UNKL: variants seen among roughly 807,000 people sequenced by gnomAD.
The protein encoded by UNKL is putative E3 ubiquitin-protein ligase UNKL.
UNKL carries 60 observed loss-of-function variants against 78.0 expected under a neutral mutation model. The ratio of observed to expected loss-of-function variants is 0.77; its 90% CI spans 0.63 to 0.95. The LOEUF is 0.95. Among genes scored for constraint, UNKL ranks in the 40% least tolerant of loss-of-function variants. UNKL has a pLI of 0.00. For missense variants in UNKL, 1,159 were observed against 1,045.7 expected (o/e 1.11, Z -1.49); for synonymous variants, 608 against 474.8 (o/e 1.28, Z -3.65).
Position 1,364,315 on chromosome 16 carries a change from C to CCTA in UNKL, c.*1922_*1924dup, listed in dbSNP as rs2035059566. On this transcript the variant is annotated 3_prime_UTR_variant, in exon 15 of 15. Coordinates refer to ENST00000389221, the MANE Select transcript of UNKL (RefSeq NM_001372107.1). The stretch of plus-strand genomic sequence containing the variant: ...TTACGTTAAAACAGTTCTTAAACCA[C>CCTA]CTACTATATTAAATACATTCTAATT... The CCTA allele has an allele frequency of 6.6e-6, 1 of 152,206 alleles. No individual in the cohort carries two copies. Among genetic ancestry groups the CCTA allele is most frequent in the Non-Finnish European group, 1.5e-5 (1 of 68,042 alleles). The allele number at this position is 152,206 out of a possible 1,614,324, so 9.4% of individuals were successfully genotyped here. A position where few individuals can be genotyped will look rare whatever the true frequency, so the allele number is the denominator to read the frequency against.
chr16:1,376,951 C>T (rs548738645), intron 10 of UNKL, among the ~76,000 whole-genome samples: 2 of 152,092 alleles, frequency 1.3e-5, no homozygotes, highest in Non-Finnish European at 2.9e-5. Flanking sequence ...GATAAGAGGA[C>T]CTGCTGTGTT....
intron 9 of UNKL, among the ~76,000 whole-genome samples, chr16:1,388,042 A>G (rs917901612): frequency 1.3e-5 from 2 of 152,048 alleles, no homozygotes; most frequent in African/African-American, 2.4e-5. Context: ...CCAACTCCAG[A>G]GCATCACCCA....
At chr16:1,366,428 G>C (rs1299674280) in intron 14 of UNKL, 33 bp from the exon 15 acceptor site, 2 of 1,541,014 alleles carry the variant, frequency 1.3e-6, no homozygotes, top group Admixed American at 3.7e-5. Flanking sequence ...GGCTCAGGAG[G>C]CCCCTGCCCA....
At chr16:1,372,177 T>C (rs1339999762) in intron 10 of UNKL, among the ~76,000 whole-genome samples, 1 of 151,516 alleles carries the variant, frequency 6.6e-6, no homozygotes, top group Non-Finnish European at 1.5e-5. Flanking sequence ...GGCGGAAGAA[T>C]GGTGTGAACC....
chr16:1,399,459 G>A lies in UNKL; in HGVS notation c.649C>T (p.Pro217Ser). 6.2e-7 allele frequency: 1 copy of A among 1,602,380 alleles called. No individual in the cohort carries two copies. The highest frequency in any genetic ancestry group is 1.1e-5 in the South Asian group (1 of 89,278). ...GCATAGCCCTGGCGGCACAGGCGTG[G>A]CGGCTTCGGGCACTGCTCCGTCTTG... ...SYKTEQCPKP[P>S]RLCRQGYACP... Residue 217 changes from proline to serine, a missense_variant, in exon 5 of 15, where the codon CCA becomes TCA. By Grantham distance (74) the Pro-to-Ser change is moderately conservative (BLOSUM62 -1). Transcript: ENST00000389221. The surrounding 1 kb of genome is among the most constrained non-coding windows in gnomAD (Gnocchi z 5.8).
At chr16:1,393,145 A>G (rs938003078) in intron 7 of UNKL, among the ~76,000 whole-genome samples, 169 bp from the exon 8 acceptor site, 1 of 152,250 alleles carries the variant, frequency 6.6e-6, no homozygotes, top group Admixed American at 6.5e-5. Flanking sequence ...TCAGGGCAAC[A>G]GGACCCTCTG....
chr16:1,390,276 G>A (rs1213078258), intron 9 of UNKL, among the ~76,000 whole-genome samples: 3 of 152,178 alleles, frequency 2.0e-5, no homozygotes, highest in Non-Finnish European at 2.9e-5. Context: ...GTGAGCCACC[G>A]TGCCCGGCAA....
chr16:1,397,104 A>G, intron 6 of UNKL, 74 bp downstream of exon 6: 1 of 1,464,326 alleles, frequency 6.8e-7, no homozygotes, highest in Admixed American at 2.0e-5. Flanking sequence ...CTGTGTGATA[A>G]CCACGCTGTG....
In UNKL at chr16:1,414,492, C is replaced by CA. The variant is rs563971077; in HGVS notation, c.77+122_77+123insT. 4.6e-3 allele frequency: 924 copies of CA among 202,706 alleles called. 10 individuals are homozygous for CA. Among genetic ancestry groups the CA allele is most frequent in the African/African-American group, 0.021 (887 of 42,084 alleles). 12.6% of individuals were successfully genotyped at this position (202,706 alleles called of 1,614,324 possible). ...CCGAGAGCAGAGGGTCGTGGCCCCC[C>CA]CAGCCCAGGCGCTGCGCGGAGGCCG... On this transcript the variant is annotated intron_variant, in intron 1 of 14. Transcript: ENST00000389221.
intron 8 of UNKL, among the ~76,000 whole-genome samples, chr16:1,392,207 T>C (rs964042321): frequency 6.6e-6 from 1 of 152,200 alleles, no homozygotes; most frequent in Middle Eastern, 3.4e-3. Context: ...AAAAAGATTA[T>C]TTTGAGTTGA....
chr16:1,379,425 C>G, intron 10 of UNKL: 7 of 961,490 alleles, frequency 7.3e-6, no homozygotes, highest in Non-Finnish European at 8.7e-6. Context: ...GAGCGCCCGG[C>G]AGAGGCAGGT....
intron 14 of UNKL, among the ~76,000 whole-genome samples, chr16:1,366,760 A>T (rs555912036): frequency 6.6e-6 from 1 of 152,030 alleles, no homozygotes; most frequent in African/African-American, 2.4e-5. Context: ...CGAGGTGAGG[A>T]GGGGCACGCC....
intron 1 of UNKL, 121 bp downstream of exon 1, chr16:1,414,494 A>T: frequency 5.1e-6 from 1 of 195,602 alleles, no homozygotes; most frequent in Non-Finnish European, 9.2e-6. Context: ...TGGCCCCCCC[A>T]GCCCAGGCGC....
intron 8 of UNKL, among the ~76,000 whole-genome samples, chr16:1,391,173 ACAC>A (rs2037031535): frequency 1.4e-5 from 2 of 147,962 alleles, no homozygotes; most frequent in Non-Finnish European, 3.0e-5. Context: ...ACACACACAC[ACAC>A]ACACACACAC....
At chr16:1,382,789 C>G (rs2036650416) in intron 10 of UNKL, among the ~76,000 whole-genome samples, 1 of 151,788 alleles carries the variant, frequency 6.6e-6, no homozygotes, top group Admixed American at 6.6e-5. Context: ...GAAACCTCAT[C>G]TCTACTAAAA....
At chr16:1,368,927 G>A (rs2035542793) in intron 12 of UNKL, among the ~76,000 whole-genome samples, 1 of 151,826 alleles carries the variant, frequency 6.6e-6, no homozygotes, top group African/African-American at 2.4e-5. Context: ...GTATTTTTTT[G>A]TAGACTCAGG....
At chr16:1,381,879 AG>A (rs2036620013) in intron 10 of UNKL, among the ~76,000 whole-genome samples, 2 of 152,182 alleles carry the variant, frequency 1.3e-5, no homozygotes, top group South Asian at 4.1e-4. Flanking sequence ...CAGGAGTTGG[AG>A]GCTGCAGCGA....
intron 8 of UNKL, among the ~76,000 whole-genome samples, chr16:1,391,454 AC>A (rs1330663266): frequency 1.3e-5 from 2 of 151,690 alleles, no homozygotes; most frequent in Admixed American, 1.3e-4. Context: ...TTGCCAGTGG[AC>A]CCAGTTAATT....
intron 10 of UNKL, chr16:1,383,731 G>A (rs1239122168): frequency 1.2e-5 from 5 of 400,542 alleles, no homozygotes; most frequent in Admixed American, 7.9e-5. Context: ...GGGTCTGGCC[G>A]CCGGGCCGCC....
Sources: allele counts gnomAD v4.1 joint callset (sites outside exome capture counted in the v4.1 genomes callset), GRCh38; gene constraint gnomAD v4.1.1; non-coding constraint Gnocchi (gnomAD v3.1); transcripts MANE v1.5; gene names NCBI Gene and HGNC (gene_info 2026-07-23, HGNC 2026-07-21).